The following GIGYF2 variants were observed in gnomAD, a reference collection of about 807,000 sequenced individuals.
GIGYF2 encodes GRB10-interacting GYF protein 2.
In GIGYF2, 25 loss-of-function variants were observed where a neutral mutation model predicts 208.1. The ratio of observed to expected loss-of-function variants is 0.12; its 90% CI spans 0.09 to 0.17. The LOEUF (loss-of-function observed/expected upper bound fraction) is 0.17, where lower values mean the gene tolerates loss of function less well. GIGYF2 is among the 10% of genes least tolerant of loss of function. The pLI, the probability that GIGYF2 is intolerant of heterozygous loss-of-function variation, is 1.00. For synonymous variants in GIGYF2, 534 were observed against 543.8 expected (o/e 0.98, Z 0.25); for missense variants, 1,302 against 1,579.4 (o/e 0.82, Z 2.98).
chr2:232,815,578 A>G (rs1185471367), intron 18 of GIGYF2, 59 bp from the exon 19 acceptor site: 4 of 917,338 alleles, frequency 4.4e-6, no homozygotes, highest in Non-Finnish European at 5.5e-6. Context: ...ATTCCTACGG[A>G]TATGTCACCA....
At chr2:232,756,889 T>G (rs1698566063) in intron 6 of GIGYF2, among the ~76,000 whole-genome samples, 1 of 152,266 alleles carries the variant, frequency 6.6e-6, no homozygotes, top group Non-Finnish European at 1.5e-5. Flanking sequence ...ATTACTTGTT[T>G]CTTTGATATC....
intron 2 of GIGYF2, among the ~76,000 whole-genome samples, chr2:232,732,530 G>A (rs74352004): frequency 0.022 from 3,291 of 152,026 alleles, 123 homozygotes; most frequent in African/African-American, 0.075. Context: ...AACACAACTC[G>A]CACCCAGCCA....
rs765300379 is a variant in GIGYF2 at position 232,794,853 on chromosome 2, G to A, written c.1388G>A (p.Arg463Gln). ...PPVPNPSPTL[R>Q]PVETPVVGAP... ...GTTCCCAATCCTAGTCCTACTCTCC[G>A]GCCAGTTGAAACACCAGTTGTAGGT... Residue 463 changes from arginine to glutamine, a missense_variant, in exon 13 of 29, where the codon CGG becomes CAG. Arg to Gln is a conservative substitution (Grantham distance 43). Coordinates refer to ENST00000373563, the MANE Select transcript of GIGYF2 (RefSeq NM_001103146.3). 3.5e-5 allele frequency: 57 copies of A among 1,613,612 alleles called. No individual in the cohort carries two copies. In the East Asian group the frequency reaches 8.5e-4, roughly 24 times the overall value.
chr2:232,794,048 G>T (rs2106367111), intron 12 of GIGYF2, among the ~76,000 whole-genome samples: 1 of 152,310 alleles, frequency 6.6e-6, no homozygotes, highest in East Asian at 1.9e-4. Context: ...GAATGAGTCA[G>T]TGAGAGGAGC....
At chr2:232,853,569 G>A (rs190369467) in intron 28 of GIGYF2, among the ~76,000 whole-genome samples, 2 of 152,312 alleles carry the variant, frequency 1.3e-5, no homozygotes, top group South Asian at 2.1e-4. Flanking sequence ...CACCGTGCCC[G>A]GCTGGCTTCC....
intron 3 of GIGYF2, among the ~76,000 whole-genome samples, chr2:232,741,149 A>C (rs552664709): frequency 3.1e-4 from 47 of 152,330 alleles, no homozygotes; most frequent in African/African-American, 1.1e-3. Flanking sequence ...CTCATACTCT[A>C]TACTTTTCCA....
At chr2:232,834,571 A>G (rs565668277) in intron 22 of GIGYF2, among the ~76,000 whole-genome samples, 4 of 152,302 alleles carry the variant, frequency 2.6e-5, no homozygotes, top group Non-Finnish European at 4.4e-5. Context: ...TCCTGGATGT[A>G]TAGATTAATG....
intron 15 of GIGYF2, among the ~76,000 whole-genome samples, chr2:232,807,655 G>A (rs1467977872): frequency 6.6e-6 from 1 of 152,204 alleles, no homozygotes; most frequent in African/African-American, 2.4e-5. Context: ...GTTCCTTTTG[G>A]AGGTCTTTCA....
In GIGYF2 at chr2:232,858,413, T is replaced by C. The variant is rs1690651252; in HGVS notation, c.*1553T>C. On this transcript the variant is annotated 3_prime_UTR_variant, in exon 29 of 29. Coordinates refer to ENST00000373563, the MANE Select transcript of GIGYF2 (RefSeq NM_001103146.3). The stretch of plus-strand genomic sequence containing the variant: ...TGTGTAATAACTATACAGAGACTGC[T>C]ACAAAATTGTATATAGTTTTTGGAT... The C allele has an allele frequency of 1.1e-5, 5 of 446,734 alleles. No homozygotes were observed. The highest frequency in any genetic ancestry group is 8.0e-5 in the South Asian group (5 of 62,494). The allele number at this position is 446,734 out of a possible 1,614,324, so 27.7% of individuals were successfully genotyped here. A position where few individuals can be genotyped will look rare whatever the true frequency, so the allele number is the denominator to read the frequency against.
chr2:232,711,153 G>A (rs899096727), intron 2 of GIGYF2, among the ~76,000 whole-genome samples: 2 of 150,344 alleles, frequency 1.3e-5, no homozygotes, highest in Non-Finnish European at 3.0e-5. Flanking sequence ...CCAGACTCAA[G>A]TGTGGTGGTG....
Position 232,806,680 on chromosome 2 carries a change from G to A in GIGYF2, c.1806+23G>A. 6.5e-7 allele frequency: 1 copy of A among 1,531,390 alleles called. No individual in the cohort carries two copies. Among genetic ancestry groups the A allele is most frequent in the Non-Finnish European group, 9.0e-7 (1 of 1,105,076 alleles). 94.9% of individuals were successfully genotyped at this position (1,531,390 alleles called of 1,614,324 possible). On this transcript the variant is annotated intron_variant, in intron 15 of 28. Coordinates refer to ENST00000373563, the MANE Select transcript of GIGYF2 (RefSeq NM_001103146.3). This position sits in a 1 kb window ranked among gnomAD's most constrained non-coding sequence, Gnocchi z 4.0. ...ATGGTAAGTACCTTTCACCTCACCT[G>A]GAATACATATTAGTCACGGAAACAC...
intron 17 of GIGYF2, among the ~76,000 whole-genome samples, 166 bp from the exon 18 acceptor site, chr2:232,812,225 G>A (rs1484084079): frequency 6.6e-6 from 1 of 152,012 alleles, no homozygotes; most frequent in Non-Finnish European, 1.5e-5. Context: ...CCTTCTCTTT[G>A]TTCCACCCCA....
chr2:232,765,377 G>A (rs1188773600), intron 8 of GIGYF2: 1 of 152,722 alleles, frequency 6.5e-6, no homozygotes, highest in Non-Finnish European at 1.5e-5. Context: ...AAGTACTGAA[G>A]ATTCCAGGAT....
At chr2:232,840,072 G>A in intron 23 of GIGYF2, 101 bp downstream of exon 23, 4 of 1,249,796 alleles carry the variant, frequency 3.2e-6, no homozygotes, top group Non-Finnish European at 3.5e-6. Flanking sequence ...TGTCAGAATT[G>A]TTGTGTGTCT....
chr2:232,819,003 G>A (rs1312479159), intron 20 of GIGYF2, among the ~76,000 whole-genome samples: 3 of 151,504 alleles, frequency 2.0e-5, no homozygotes, highest in Non-Finnish European at 2.9e-5. Context: ...TTGTTGTTGG[G>A]GGGAATTCAC....
chr2:232,761,461 A>T (rs772640662), intron 8 of GIGYF2, 25 bp downstream of exon 8: 25 of 1,447,928 alleles, frequency 1.7e-5, no homozygotes, highest in Non-Finnish European at 2.1e-5. Context: ...TACACACATA[A>T]GGATAAATTT....
At chr2:232,786,224 T>C (rs763597987) in intron 8 of GIGYF2, among the ~76,000 whole-genome samples, 4 of 152,096 alleles carry the variant, frequency 2.6e-5, no homozygotes, top group Non-Finnish European at 5.9e-5. Context: ...CTAGAGTAAA[T>C]GAGGTTATAC....
intron 2 of GIGYF2, chr2:232,729,629 C>T: frequency 1.8e-6 from 2 of 1,136,290 alleles, no homozygotes; most frequent in Non-Finnish European, 2.6e-6. Context: ...TTCAACTTCA[C>T]AACGTATTTG....
intron 22 of GIGYF2, among the ~76,000 whole-genome samples, chr2:232,836,387 TATATAA>T (rs1234732715): frequency 2.0e-5 from 2 of 102,280 alleles, no homozygotes; most frequent in East Asian, 2.7e-4. Flanking sequence ...AATATAAATA[TATATAA>T]ATATAAATAT....
Sources: allele counts gnomAD v4.1 joint callset (sites outside exome capture counted in the v4.1 genomes callset), GRCh38; gene constraint gnomAD v4.1.1; non-coding constraint Gnocchi (gnomAD v3.1); transcripts MANE v1.5; gene names NCBI Gene and HGNC (gene_info 2026-07-23, HGNC 2026-07-21).